Variants in ANXA4 observed in about 807,000 individuals in gnomAD.
ANXA4 encodes 35-beta calcimedin.
In ANXA4, 39 loss-of-function variants were observed where a neutral mutation model predicts 49.8. That is an observed-to-expected ratio of 0.78 (90% CI 0.61 to 1.02). The LOEUF (loss-of-function observed/expected upper bound fraction) is 1.02. Ranked by LOEUF, ANXA4 falls within the 50% of genes least tolerant of loss-of-function variation. The pLI, the probability that ANXA4 is intolerant of heterozygous loss-of-function variation, is 0.00. For synonymous variants in ANXA4, 134 were observed against 152.5 expected (o/e 0.88, Z 0.89); for missense variants, 360 against 410.1 (o/e 0.88, Z 1.05).
intron 2 of ANXA4, among the ~76,000 whole-genome samples, chr2:69,677,673 G>A (rs1677456713): frequency 6.6e-6 from 1 of 152,196 alleles, no homozygotes; most frequent in African/African-American, 2.4e-5. Flanking sequence ...CATGCTGAGT[G>A]TTTTGAGCTG....
intron 2 of ANXA4, among the ~76,000 whole-genome samples, chr2:69,695,942 T>C (rs1371226511): frequency 6.6e-6 from 1 of 152,222 alleles, no homozygotes; most frequent in Non-Finnish European, 1.5e-5. Flanking sequence ...TCTGAGCCTT[T>C]AGTGAGTTGA....
intron 2 of ANXA4, among the ~76,000 whole-genome samples, chr2:69,691,964 C>T (rs189411585): frequency 2.6e-5 from 4 of 152,350 alleles, no homozygotes; most frequent in South Asian, 2.1e-4. Context: ...TGGCTCACTA[C>T]AACCTCCGCC....
rs377454000 is a variant in ANXA4, at chr2:69,816,202, A to G, written c.628+8A>G. 5.6e-6 allele frequency: 9 copies of G among 1,612,610 alleles called. No homozygotes were observed. The highest frequency in any genetic ancestry group is 7.6e-6 in the Non-Finnish European group (9 of 1,178,778). On this transcript the variant is annotated splice_region_variant and intron_variant, in intron 9 of 12. Transcript: ENST00000394295. The stretch of plus-strand genomic sequence containing the variant: ...GAAATCACCTGTTGCATGGTAAGGC[A>G]CTTACTTCATTTCCCAAAGAAAAGG...
In ANXA4 at chr2:69,825,970, A is replaced by AGG. The variant is rs1674453638; in HGVS notation, c.*456_*457insGG. The stretch of plus-strand genomic sequence containing the variant: ...ATCCGGTCAGTAAGAATGCCCATCC[A>AGG]GTTTTCTATATTTCATAGTCAAAGC... On this transcript the variant is annotated 3_prime_UTR_variant, in exon 13 of 13. Coordinates refer to ENST00000394295, the MANE Select transcript of ANXA4 (RefSeq NM_001153.5). The AGG allele has an allele frequency of 6.6e-6, 1 of 152,640 alleles. No homozygotes were observed. The allele number at this position is 152,640 out of a possible 1,614,324, so 9.5% of individuals were successfully genotyped here. A position where few individuals can be genotyped will look rare whatever the true frequency, so the allele number is the denominator to read the frequency against.
intron 2 of ANXA4, among the ~76,000 whole-genome samples, chr2:69,718,862 A>C (rs1669736617): frequency 6.6e-6 from 1 of 151,190 alleles, no homozygotes; most frequent in Admixed American, 6.6e-5. Flanking sequence ...ATGCATACAC[A>C]TGTGTGCATA....
intron 2 of ANXA4, among the ~76,000 whole-genome samples, chr2:69,656,343 A>G (rs866029145): frequency 0.022 from 2,264 of 102,830 alleles, 159 homozygotes; most frequent in African/African-American, 0.12. Flanking sequence ...GTGTATATAT[A>G]TGTGTATATA....
chr2:69,807,087 G>A (rs1673472719), intron 5 of ANXA4, among the ~76,000 whole-genome samples: 2 of 152,076 alleles, frequency 1.3e-5, no homozygotes, highest in Admixed American at 6.6e-5. Flanking sequence ...CTTCATTTAC[G>A]ACAACTTGAA....
chr2:69,739,669 C>T (rs933721534), upstream of ANXA4, among the ~76,000 whole-genome samples: 12 of 152,066 alleles, frequency 7.9e-5, no homozygotes, highest in Non-Finnish European at 1.8e-4. Context: ...AGCCATCCTC[C>T]CACCGCGGCC....
chr2:69,745,557 GTCTT>G (rs1670575803), intron 1 of ANXA4, among the ~76,000 whole-genome samples: 1 of 151,970 alleles, frequency 6.6e-6, no homozygotes. Context: ...TTGAGACAGA[GTCTT>G]TCTCTGTCAC....
rs564303557 is a variant in ANXA4, at chr2:69,761,971, C to T, written c.-46-19549C>T. Among the ~76,000 whole-genome samples, 614 of 152,110 alleles carry T rather than the reference C, an allele frequency of 4.0e-3. 3 individuals carry two copies. Among genetic ancestry groups the T allele is most frequent in the Non-Finnish European group, 6.6e-3 (450 of 67,978 alleles). ...TTGGCACCAACTAGATTAGTGATTACGTGTAATACTAGAAAAGATGCCACA... is the reference window on the plus strand; with the variant it reads ...TTGGCACCAACTAGATTAGTGATTATGTGTAATACTAGAAAAGATGCCACA... On this transcript the variant is annotated intron_variant, in intron 1 of 12. Coordinates refer to ENST00000394295, the MANE Select transcript of ANXA4 (RefSeq NM_001153.5).
intron 9 of ANXA4, 51 bp from the exon 10 acceptor site, chr2:69,818,546 TTA>T (rs2103882255): frequency 1.1e-5 from 13 of 1,188,492 alleles, no homozygotes; most frequent in Non-Finnish European, 1.6e-5. Flanking sequence ...TCCATAAATT[TTA>T]GTTTCCTCTG....
chr2:69,655,184 A>C (rs1030586649), intron 2 of ANXA4, among the ~76,000 whole-genome samples: 3 of 152,224 alleles, frequency 2.0e-5, no homozygotes, highest in Middle Eastern at 3.2e-3. Context: ...AATGGGATCT[A>C]ATTAAACTAA....
At position 69,808,116 on chromosome 2, in the gene ANXA4, G is replaced by A. The variant is rs1193986120; in HGVS notation, c.397+120G>A. On this transcript the variant is annotated intron_variant, in intron 6 of 12. Coordinates refer to ENST00000394295, the MANE Select transcript of ANXA4 (RefSeq NM_001153.5). ...AGAACGCTGAGCATGAGGGATCCTC[G>A]GTGCCAAGCTCTGCTTCGAGGGAGA... 4 of 913,122 alleles carry A rather than the reference G, an allele frequency of 4.4e-6. No individual in the cohort carries two copies. The Admixed American group carries it at 6.5e-5, about 15-fold the overall frequency. 56.6% of individuals were successfully genotyped at this position (913,122 alleles called of 1,614,324 possible).
chr2:69,798,147 A>G (rs141937232), intron 3 of ANXA4, among the ~76,000 whole-genome samples: 251 of 152,234 alleles, frequency 1.6e-3, no homozygotes, highest in African/African-American at 5.7e-3. Context: ...TACTGGGGGG[A>G]AAATAACCTC....
At chr2:69,788,250 C>T (rs1672500071) in intron 3 of ANXA4, 109 bp downstream of exon 3, 2 of 975,434 alleles carry the variant, frequency 2.1e-6, no homozygotes, top group South Asian at 2.9e-5. Flanking sequence ...TTTAATAAAA[C>T]ACAAGGGAGG....
chr2:69,658,790 G>T (rs1258033863), intron 2 of ANXA4, among the ~76,000 whole-genome samples: 1 of 152,158 alleles, frequency 6.6e-6, no homozygotes, highest in Non-Finnish European at 1.5e-5. Flanking sequence ...CGCCTCCCTG[G>T]TTCAAGCGAT....
At chr2:69,674,260 C>T (rs958112870) in intron 2 of ANXA4, 1 of 152,178 alleles carries the variant, frequency 6.6e-6, no homozygotes, top group Non-Finnish European at 1.5e-5. Flanking sequence ...AGCAGGTATT[C>T]AGAAATTTTA....
chr2:69,651,922 C>A (rs543061479), intron 1 of ANXA4, among the ~76,000 whole-genome samples: 1 of 151,336 alleles, frequency 6.6e-6, no homozygotes, highest in South Asian at 2.1e-4. Flanking sequence ...TTCAAGCAAT[C>A]CTGCCTCAGC....
At chr2:69,808,039 A>G (rs942153342) in intron 6 of ANXA4, 43 bp downstream of exon 6, 1 of 1,571,636 alleles carries the variant, frequency 6.4e-7, no homozygotes, top group Admixed American at 1.7e-5. Context: ...TTTCGCTGTG[A>G]TTAGAGAATG....
Sources: allele counts gnomAD v4.1 joint callset (sites outside exome capture counted in the v4.1 genomes callset), GRCh38; gene constraint gnomAD v4.1.1; transcripts MANE v1.5; gene names NCBI Gene and HGNC (gene_info 2026-07-23, HGNC 2026-07-21).